Variants in MAP3K15 observed in about 807,000 individuals in gnomAD.
MAP3K15 encodes mitogen-activated protein kinase kinase kinase 15.
MAP3K15 carries 124 observed loss-of-function variants against 99.5 expected under a neutral mutation model. That is an observed-to-expected ratio of 1.25 (90% CI 1.08 to 1.45). The LOEUF (loss-of-function observed/expected upper bound fraction) is 1.45, where lower values mean the gene tolerates loss of function less well. MAP3K15 is among the 40% of genes most tolerant of loss of function. The pLI is 0.00. For synonymous variants in MAP3K15, 494 were observed against 439.6 expected, an observed-to-expected ratio of 1.12 and a Z score of -1.55; for missense variants, 1,242 against 1,079.7, an observed-to-expected ratio of 1.15 and a Z score of -2.11.
chrX:19,483,580 G>T (rs888018947), intron 3 of MAP3K15, among the ~76,000 whole-genome samples: 1 of 110,372 alleles, frequency 9.1e-6, no homozygotes, highest in South Asian at 3.9e-4. Flanking sequence ...GTGTGTGTGT[G>T]TGTGTGTTAA....
intron 10 of MAP3K15, among the ~76,000 whole-genome samples, 193 bp downstream of exon 10, chrX:19,414,914 C>A (rs982459008): frequency 2.7e-5 from 3 of 111,998 alleles, no homozygotes; most frequent in African/African-American, 9.7e-5. Flanking sequence ...AGAATGACTA[C>A]TATAGAGGAT....
intron 15 of MAP3K15, 137 bp from the exon 16 acceptor site, chrX:19,395,345 C>T: frequency 1.6e-6 from 1 of 610,324 alleles, no homozygotes; most frequent in South Asian, 2.8e-5. Context: ...TTCCATGAAA[C>T]TATTCAACTT....
intron 25 of MAP3K15, 40 bp from the exon 26 acceptor site, chrX:19,362,890 G>A (rs754034672): frequency 1.0e-4 from 78 of 745,757 alleles, no homozygotes; most frequent in Non-Finnish European, 1.6e-4. Flanking sequence ...TATCCAGAGA[G>A]CATTCAACAC....
intron 3 of MAP3K15, among the ~76,000 whole-genome samples, chrX:19,472,373 A>G (rs1283246047): frequency 8.9e-6 from 1 of 111,791 alleles, no homozygotes; most frequent in East Asian, 2.7e-4. Context: ...ATGCAATTAT[A>G]AAAGATAGTA....
rs1312320269 is a variant in MAP3K15, at chrX:19,374,660, C to T, written c.2590G>A (p.Val864Met). 2 of 1,207,604 alleles carry T rather than the reference C, an allele frequency of 1.7e-6. No individual in the cohort carries two copies. Among genetic ancestry groups the T allele is most frequent in the African/African-American group, 1.7e-5 (1 of 57,591 alleles). Residue 864 changes from valine to methionine, a missense_variant and splice_region_variant, in exon 20 of 29, where the codon GTG (valine) becomes ATG (methionine). By Grantham distance (21) the Val-to-Met change is conservative. Coordinates refer to ENST00000338883, the MANE Select transcript of MAP3K15 (RefSeq NM_001001671.4). ...TCAGGGTGGATCTTAAACATGCCCA[C>T]CTGCATTTAAGGGAGAGGTAACCGA... ...LGEPQAAMFKVGMFKIHPEIP... is the reference protein window; with the variant it reads ...LGEPQAAMFKMGMFKIHPEIP...
chrX:19,432,777 A>T (rs1330240438), intron 6 of MAP3K15, among the ~76,000 whole-genome samples: 1 of 104,787 alleles, frequency 9.5e-6, no homozygotes, highest in African/African-American at 3.5e-5. Context: ...GTGCAGTGGC[A>T]TGATCTCAAC....
chrX:19,508,797 T>G (rs182106081), intron 1 of MAP3K15, among the ~76,000 whole-genome samples: 2 of 110,481 alleles, frequency 1.8e-5, no homozygotes, highest in African/African-American at 6.6e-5. Context: ...GGCAGGAGGA[T>G]TGCTCAAGTG....
chrX:19,428,667 A>G (rs2063853443), intron 7 of MAP3K15, among the ~76,000 whole-genome samples: 1 of 112,163 alleles, frequency 8.9e-6, no homozygotes, highest in African/African-American at 3.2e-5. Flanking sequence ...GATATGGCAT[A>G]AAAATAAAGA....
At chrX:19,413,538 G>T in intron 10 of MAP3K15, 74 bp from the exon 11 acceptor site, 1 of 751,398 alleles carries the variant, frequency 1.3e-6, no homozygotes, top group East Asian at 3.4e-5. Flanking sequence ...GAGGAGGCGG[G>T]GAGGTCCGTA....
chrX:19,413,809 G>C (rs1351860227), intron 10 of MAP3K15, among the ~76,000 whole-genome samples: 2 of 105,521 alleles, frequency 1.9e-5, no homozygotes, highest in Non-Finnish European at 3.9e-5. Context: ...AGAGTGGGGA[G>C]AGAAAAGGTG....
intron 6 of MAP3K15, among the ~76,000 whole-genome samples, chrX:19,441,041 A>G (rs1261350353): frequency 8.9e-6 from 1 of 112,152 alleles, no homozygotes; most frequent in African/African-American, 3.2e-5. Flanking sequence ...AGTGTGGCCT[A>G]TCTGTACAAT....
intron 15 of MAP3K15, among the ~76,000 whole-genome samples, chrX:19,395,984 A>G (rs764591165): frequency 5.5e-4 from 62 of 111,929 alleles, no homozygotes; most frequent in Non-Finnish European, 1.0e-3. Context: ...CCGCTAAACA[A>G]ATTCTTACTC....
intron 18 of MAP3K15, among the ~76,000 whole-genome samples, chrX:19,386,103 G>C (rs944290665): frequency 2.7e-5 from 3 of 112,024 alleles, no homozygotes; most frequent in Non-Finnish European, 5.6e-5. Context: ...ACCAAGTGAA[G>C]ATGGCATTGT....
intron 11 of MAP3K15, among the ~76,000 whole-genome samples, chrX:19,411,939 T>G (rs188174982): frequency 1.9e-3 from 209 of 111,944 alleles, no homozygotes; most frequent in African/African-American, 6.5e-3. Flanking sequence ...AGGCTTCTCA[T>G]AAGAGGGTAG....
chrX:19,436,280 T>C (rs1272991053), intron 6 of MAP3K15, among the ~76,000 whole-genome samples: 3 of 111,503 alleles, frequency 2.7e-5, no homozygotes, highest in Non-Finnish European at 3.8e-5. Flanking sequence ...GTTGGCATCA[T>C]TGCTGAATCC....
At chrX:19,361,468 A>T in intron 27 of MAP3K15, 25 bp downstream of exon 27, 1 of 1,198,102 alleles carries the variant, frequency 8.3e-7, no homozygotes, top group Non-Finnish European at 1.1e-6. Context: ...ACAACAGCAT[A>T]AGAATTTCTT....
At chrX:19,493,116 G>A (rs946211847) in intron 1 of MAP3K15, among the ~76,000 whole-genome samples, 1 of 110,556 alleles carries the variant, frequency 9.0e-6, no homozygotes, top group African/African-American at 3.3e-5. Flanking sequence ...ATAGCGGAAC[G>A]GGGCAGAAGG....
At chrX:19,460,751 T>C (rs2064126250) in intron 4 of MAP3K15, among the ~76,000 whole-genome samples, 1 of 108,966 alleles carries the variant, frequency 9.2e-6, no homozygotes, top group African/African-American at 3.4e-5. Flanking sequence ...TTCTGTTTTT[T>C]TGTTTTTTTG....
Position 19,425,515 on chromosome X carries a change from C to T in MAP3K15, c.1439+16G>A, listed in dbSNP as rs146515844. ...TGTATTGAGATGGGTGATGACAACA[C>T]ACAGACACAACTCACCAGACTGGAG... is the stretch of plus-strand genomic sequence containing the variant. On this transcript the variant is annotated intron_variant, in intron 9 of 28. Transcript: ENST00000338883. The T allele has an allele frequency of 0.017, 19,848 of 1,183,178 alleles. 131 individuals are homozygous for T. The highest frequency in any genetic ancestry group is 0.022 in the Middle Eastern group (96 of 4,271).
Sources: allele counts gnomAD v4.1 joint callset (sites outside exome capture counted in the v4.1 genomes callset), GRCh38; gene constraint gnomAD v4.1.1; transcripts MANE v1.5; gene names NCBI Gene and HGNC (gene_info 2026-07-23, HGNC 2026-07-21).